WDFY3: variants seen among roughly 807,000 people sequenced by gnomAD.
WDFY3 encodes WD repeat and FYVE domain containing 3, also known as WD repeat and FYVE domain-containing protein 3.
WDFY3 carries 66 observed loss-of-function variants against 409.6 expected under a neutral mutation model. The observed-to-expected ratio is 0.16, with a 90% CI of 0.13 to 0.20. The LOEUF (loss-of-function observed/expected upper bound fraction) is 0.20. Ranked by LOEUF, WDFY3 falls within the 10% of genes least tolerant of loss-of-function variation. The probability of loss-of-function intolerance (pLI) is 1.00; values close to 1 mark genes in which losing one functional copy is unlikely to be tolerated. For synonymous variants in WDFY3, 1,521 were observed against 1,537.1 expected (o/e 0.99, Z 0.25); for missense variants, 3,031 against 4,298.1 (o/e 0.71, Z 8.24).
At chr4:84,690,741 G>T (rs1367104990) in intron 60 of WDFY3, 77 bp from the exon 61 acceptor site, 2 of 1,481,902 alleles carry the variant, frequency 1.3e-6, no homozygotes, top group African/African-American at 2.8e-5. Flanking sequence ...GAGCAGAATT[G>T]AGTGAAGGTG....
intron 15 of WDFY3, among the ~76,000 whole-genome samples, chr4:84,807,441 T>C (rs894210794): frequency 6.6e-6 from 1 of 152,190 alleles, no homozygotes; most frequent in Non-Finnish European, 1.5e-5. Flanking sequence ...CCGTAACAAA[T>C]ACTTTTGATG....
rs1731107988 is a variant in WDFY3 at position 84,701,799 on chromosome 4, CTTAAAG to C, written c.8596+548_8596+553del. ...TTACAGGATAAAGAAAAGGGGTTTA[CTTAAAG>C]TTATTCTGAAGTTCTAATTTTAAAA... On this transcript the variant is annotated intron_variant, in intron 56 of 67. Coordinates refer to ENST00000295888, the MANE Select transcript of WDFY3 (RefSeq NM_014991.6). 2.0e-5 allele frequency among the ~76,000 whole-genome samples: 3 copies of C among 152,022 alleles called. No homozygotes were observed. In the Admixed American group the frequency reaches 2.0e-4, roughly 10 times the overall value.
chr4:84,672,883 C>T lies in WDFY3; in HGVS notation c.10566G>A (p.Gly3522=). 9 of 1,614,058 alleles carry T rather than the reference C, an allele frequency of 5.6e-6. No homozygotes were observed. The highest frequency in any genetic ancestry group is 4.4e-5 in the South Asian group (4 of 91,074). The part of the protein sequence containing the change: ...NLQHERGSED[G]PRNC ...TGTTGAATCTTCAACAATTTCGAGG[C>T]CCATCTTCTGAACCTCTCTCATGCT... The change falls in exon 68 of 68, where the codon GGG becomes GGA. Residue 3522 remains glycine, a synonymous_variant. Coordinates refer to ENST00000295888, the MANE Select transcript of WDFY3 (RefSeq NM_014991.6).
intron 49 of WDFY3, among the ~76,000 whole-genome samples, chr4:84,716,535 G>A (rs1428728004): frequency 1.3e-5 from 2 of 151,108 alleles, no homozygotes; most frequent in South Asian, 2.1e-4. Context: ...GGTGGCTCAC[G>A]CCTGTAATCC....
At chr4:84,704,001 C>G (rs551976997) in intron 55 of WDFY3, among the ~76,000 whole-genome samples, 1 of 152,108 alleles carries the variant, frequency 6.6e-6, no homozygotes, top group East Asian at 1.9e-4. Context: ...TGAGAATGTA[C>G]AGAAAAGCAA....
Position 84,765,807 on chromosome 4 carries a change from T to C in WDFY3, c.5188+3A>G. 1 of 1,612,894 alleles carries C rather than the reference T, an allele frequency of 6.2e-7. No homozygotes were observed. The highest frequency in any genetic ancestry group is 8.5e-7 in the Non-Finnish European group (1 of 1,179,490). On this transcript the variant is annotated splice_donor_region_variant and intron_variant, in intron 32 of 67. Coordinates refer to ENST00000295888, the MANE Select transcript of WDFY3 (RefSeq NM_014991.6). The stretch of plus-strand genomic sequence containing the variant: ...CAAGCAGCTGACTAGAAAAGTCCCA[T>C]ACCTAATACAGTTCCAATCTTATTA...
intron 3 of WDFY3, among the ~76,000 whole-genome samples, chr4:84,884,787 A>G (rs1763972229): frequency 6.6e-6 from 1 of 152,206 alleles, no homozygotes; most frequent in South Asian, 2.1e-4. Context: ...GCAGACCCAT[A>G]TATCTAATCA....
At chr4:84,702,570 T>C in intron 55 of WDFY3, 64 bp from the exon 56 acceptor site, 2 of 1,394,992 alleles carry the variant, frequency 1.4e-6, no homozygotes, top group East Asian at 2.6e-5. Context: ...TTCTGTCAAG[T>C]TCAAGAGCTT....
chr4:84,733,365 G>C lies in WDFY3; in HGVS notation c.7221+17C>G. 2 of 1,609,346 alleles carry C rather than the reference G, an allele frequency of 1.2e-6. No individual in the cohort carries two copies. The highest frequency in any genetic ancestry group is 2.2e-5 in the South Asian group (2 of 90,826). On this transcript the variant is annotated intron_variant, in intron 44 of 67. Coordinates refer to ENST00000295888, the MANE Select transcript of WDFY3 (RefSeq NM_014991.6). ...ACTTGAAAGAGCCATTGTGATCATT[G>C]AATTCTGCATACTCACCGCCACATT...
At chr4:84,833,716 CAGAAG>C (rs1223655278) in intron 7 of WDFY3, among the ~76,000 whole-genome samples, 7 of 149,996 alleles carry the variant, frequency 4.7e-5, no homozygotes, top group Admixed American at 6.6e-5. Flanking sequence ...GAGAACAGAA[CAGAAG>C]AGAACAGAAG....
intron 9 of WDFY3, among the ~76,000 whole-genome samples, chr4:84,827,785 T>C (rs377428304): frequency 2.0e-5 from 3 of 152,148 alleles, no homozygotes; most frequent in African/African-American, 4.8e-5. Flanking sequence ...GGTTATCTAA[T>C]ATCAACTAGC....
At chr4:84,799,596 C>T (rs1171515932) in intron 17 of WDFY3, among the ~76,000 whole-genome samples, 1 of 152,038 alleles carries the variant, frequency 6.6e-6, no homozygotes, top group Non-Finnish European at 1.5e-5. Flanking sequence ...ACAATATTTT[C>T]ATTTCCTGCT....
At chr4:84,813,235 T>G (rs1752786302) in intron 13 of WDFY3, among the ~76,000 whole-genome samples, 2 of 152,124 alleles carry the variant, frequency 1.3e-5, no homozygotes, top group South Asian at 4.1e-4. Context: ...AGAACCCACA[T>G]TTTCCCTATT....
At chr4:84,809,832 T>C in intron 14 of WDFY3, 55 bp downstream of exon 14, 1 of 1,474,540 alleles carries the variant, frequency 6.8e-7, no homozygotes. Flanking sequence ...AGTCTTAATG[T>C]TGAAGTCATG....
chr4:84,920,003 C>T (rs1420655913), intron 2 of WDFY3, among the ~76,000 whole-genome samples: 2 of 151,870 alleles, frequency 1.3e-5, no homozygotes, highest in East Asian at 1.9e-4. Flanking sequence ...GAATGTATAA[C>T]CTAAAATCTT....
intron 2 of WDFY3, among the ~76,000 whole-genome samples, chr4:84,928,054 C>T (rs748730776): frequency 6.6e-5 from 10 of 152,168 alleles, no homozygotes; most frequent in Non-Finnish European, 1.0e-4. Flanking sequence ...AGTCAGTGGA[C>T]TGAGTAAGGA....
chr4:84,815,616 T>C lies in WDFY3; in HGVS notation c.1887+1776A>G, dbSNP rs148089177. 3.5e-3 allele frequency among the ~76,000 whole-genome samples: 540 copies of C among 152,308 alleles called. 6 individuals are homozygous for C. Among genetic ancestry groups the C allele is most frequent in the African/African-American group, 0.013 (526 of 41,586 alleles). ...CTAAGAGTTTAGGCCAATTATTTCATAGAAAGTCCTCCAATTAGGATTTAT... is the reference window on the plus strand; with the variant it reads ...CTAAGAGTTTAGGCCAATTATTTCACAGAAAGTCCTCCAATTAGGATTTAT... On this transcript the variant is annotated intron_variant, in intron 13 of 67. Transcript: ENST00000295888.
chr4:84,832,763 A>G (rs1180745892), intron 7 of WDFY3, among the ~76,000 whole-genome samples: 2 of 152,214 alleles, frequency 1.3e-5, no homozygotes, highest in Admixed American at 1.3e-4. Context: ...TCCTCTCTTC[A>G]CCCTAATATT....
At chr4:84,707,569 C>CT (rs1374785943) in intron 53 of WDFY3, among the ~76,000 whole-genome samples, 1 of 152,064 alleles carries the variant, frequency 6.6e-6, no homozygotes, top group Non-Finnish European at 1.5e-5. Context: ...ACTGAAGGTT[C>CT]AGTAATGGGA....
Sources: allele counts gnomAD v4.1 joint callset (sites outside exome capture counted in the v4.1 genomes callset), GRCh38; gene constraint gnomAD v4.1.1; transcripts MANE v1.5; gene names NCBI Gene and HGNC (gene_info 2026-07-23, HGNC 2026-07-21).